Variants in TRPC4 observed in about 807,000 individuals in gnomAD.
The protein encoded by TRPC4 is short transient receptor potential channel 4.
TRPC4 carries 49 observed loss-of-function variants against 99.4 expected under a neutral mutation model. The observed-to-expected ratio is 0.49, with a 90% CI of 0.39 to 0.63. The LOEUF (loss-of-function observed/expected upper bound fraction) is 0.63. Among genes scored for constraint, TRPC4 ranks in the 20% least tolerant of loss-of-function variants. The pLI is 0.00. For missense variants in TRPC4, 898 were observed against 1,152.9 expected (o/e 0.78, Z 3.20); for synonymous variants, 454 against 425.9 (o/e 1.07, Z -0.81).
intron 1 of TRPC4, among the ~76,000 whole-genome samples, chr13:37,864,440 A>T (rs1281875785): frequency 6.6e-6 from 1 of 151,700 alleles, no homozygotes; most frequent in Non-Finnish European, 1.5e-5. Flanking sequence ...TTTTTGTAAC[A>T]TAAGAAATAA....
chr13:37,683,431 A>T (rs1282138977), intron 4 of TRPC4, among the ~76,000 whole-genome samples: 5 of 151,966 alleles, frequency 3.3e-5, no homozygotes, highest in Non-Finnish European at 7.4e-5. Context: ...TCTTGCCAGG[A>T]CTCAAGAGGG....
chr13:37,843,113 G>A (rs1048346542), intron 1 of TRPC4, among the ~76,000 whole-genome samples: 1 of 152,134 alleles, frequency 6.6e-6, no homozygotes, highest in African/African-American at 2.4e-5. Flanking sequence ...GTGAAGTTTG[G>A]GTTGAATTTA....
At position 37,632,816 on chromosome 13, in the gene TRPC4, C is replaced by A. The variant is rs1465276499; in HGVS notation, c.*4087G>T. Among the ~76,000 whole-genome samples the A allele has an allele frequency of 6.6e-6, 1 of 152,124 alleles. No individual in the cohort carries two copies. Among genetic ancestry groups the A allele is most frequent in the Non-Finnish European group, 1.5e-5 (1 of 68,004 alleles). On this transcript the variant is annotated 3_prime_UTR_variant, in exon 11 of 11. Coordinates refer to ENST00000379705, the MANE Select transcript of TRPC4 (RefSeq NM_016179.4). ...CAGCTTTTTAAAAATTCTCTTAACA[C>A]AACTTTGTAGAAAAACAAAAGATAA...
At chr13:37,799,199 G>A (rs1957333217) in intron 1 of TRPC4, among the ~76,000 whole-genome samples, 1 of 152,116 alleles carries the variant, frequency 6.6e-6, no homozygotes. Context: ...CTCCCAAAGT[G>A]CTGGGATTAC....
chr13:37,692,418 A>G, intron 3 of TRPC4, 83 bp from the exon 4 acceptor site: 3 of 1,184,512 alleles, frequency 2.5e-6, no homozygotes, highest in South Asian at 3.2e-5. Context: ...CACAATTGTG[A>G]TCTTTAAAGA....
At chr13:37,721,583 A>C (rs1320144845) in intron 3 of TRPC4, among the ~76,000 whole-genome samples, 2 of 152,168 alleles carry the variant, frequency 1.3e-5, no homozygotes, top group Non-Finnish European at 2.9e-5. Context: ...ATTTGGCTGA[A>C]CATTGCAAAC....
intron 3 of TRPC4, among the ~76,000 whole-genome samples, chr13:37,735,524 AAGC>A (rs750854851): frequency 6.6e-6 from 1 of 152,168 alleles, no homozygotes; most frequent in African/African-American, 2.4e-5. Flanking sequence ...AAACAAGAGA[AAGC>A]CTTCTCCATC....
rs142135820 is a variant in TRPC4, at chr13:37,720,491, T to C, written c.897+25446A>G. Among the ~76,000 whole-genome samples the C allele has an allele frequency of 1.1e-4, 16 of 152,206 alleles. No individual in the cohort carries two copies. In the East Asian group the frequency reaches 2.9e-3, roughly 28 times the overall value. On this transcript the variant is annotated intron_variant, in intron 3 of 10. Coordinates refer to ENST00000379705, the MANE Select transcript of TRPC4 (RefSeq NM_016179.4). ...TTATTTTGCTTTTTCCTAGAATCAT[T>C]TTTTCTGCGTTCTGAACTTTTCTGT...
At chr13:37,679,894 G>T (rs995773484) in intron 4 of TRPC4, among the ~76,000 whole-genome samples, 5 of 152,194 alleles carry the variant, frequency 3.3e-5, no homozygotes, top group Non-Finnish European at 5.9e-5. Context: ...AAAATATCCA[G>T]TGCGAAAAAA....
intron 1 of TRPC4, among the ~76,000 whole-genome samples, chr13:37,793,258 G>A (rs940970536): frequency 1.7e-4 from 26 of 151,998 alleles, no homozygotes; most frequent in Non-Finnish European, 5.9e-5. Context: ...ACTGTGGAAG[G>A]CACCCTGTGC....
intron 6 of TRPC4, among the ~76,000 whole-genome samples, chr13:37,661,450 A>C (rs1952435300): frequency 6.6e-6 from 1 of 152,192 alleles, no homozygotes; most frequent in Admixed American, 6.5e-5. Flanking sequence ...TGGGAACCAG[A>C]GCTTTTCCCT....
intron 1 of TRPC4, among the ~76,000 whole-genome samples, chr13:37,785,326 T>C (rs1956941440): frequency 6.6e-6 from 1 of 152,082 alleles, no homozygotes; most frequent in African/African-American, 2.4e-5. Context: ...TCTATAACAG[T>C]GTGTGGGATC....
intron 8 of TRPC4, among the ~76,000 whole-genome samples, chr13:37,641,595 ATC>A (rs1349142272): frequency 2.0e-5 from 3 of 152,178 alleles, no homozygotes; most frequent in South Asian, 2.1e-4. Context: ...CATCTGTTTA[ATC>A]TCTGTTTCCC....
chr13:37,740,022 C>A (rs1215182249), intron 3 of TRPC4, among the ~76,000 whole-genome samples: 1 of 152,088 alleles, frequency 6.6e-6, no homozygotes, highest in East Asian at 1.9e-4. Flanking sequence ...GTAGCAAGTG[C>A]AAAGGTCTAG....
intron 1 of TRPC4, among the ~76,000 whole-genome samples, chr13:37,810,093 T>C (rs116873139): frequency 0.028 from 4,311 of 152,194 alleles, 112 homozygotes; most frequent in Non-Finnish European, 0.04. Context: ...AGGTTAATAG[T>C]ATGTTCATTC....
intron 1 of TRPC4, among the ~76,000 whole-genome samples, chr13:37,792,496 C>T (rs1006425943): frequency 2.0e-5 from 3 of 152,088 alleles, no homozygotes; most frequent in African/African-American, 7.2e-5. Context: ...TAAAGACTCA[C>T]TACTTGTCTT....
chr13:37,865,306 T>C (rs1473737754), intron 1 of TRPC4, among the ~76,000 whole-genome samples: 1 of 151,712 alleles, frequency 6.6e-6, no homozygotes, highest in African/African-American at 2.4e-5. Context: ...TGGCCTAGCA[T>C]GACCTTTTTT....
At chr13:37,697,355 G>A (rs1423981742) in intron 3 of TRPC4, among the ~76,000 whole-genome samples, 5 of 152,128 alleles carry the variant, frequency 3.3e-5, no homozygotes, top group Non-Finnish European at 7.4e-5. Flanking sequence ...GAGTATGTCC[G>A]ACATGAAATA....
chr13:37,774,311 C>T (rs1034200376), intron 2 of TRPC4, among the ~76,000 whole-genome samples: 3 of 151,672 alleles, frequency 2.0e-5, no homozygotes, highest in East Asian at 1.9e-4. Context: ...TTCTCACATA[C>T]TCAAAGCTTA....
Sources: gnomAD v4.1 joint callset for allele counts (sites outside exome capture counted in the v4.1 genomes callset) on GRCh38, gnomAD v4.1.1 for gene constraint, MANE v1.5 for transcripts, NCBI Gene and HGNC (gene_info 2026-07-23, HGNC 2026-07-21) for gene names.